The following SETBP1 variants were observed in gnomAD, a reference collection of about 807,000 sequenced individuals.
The protein encoded by SETBP1 is SET-binding protein.
A neutral mutation model predicts 101.0 loss-of-function variants in SETBP1; 9 were observed. That is an observed-to-expected ratio of 0.09 (90% CI 0.05 to 0.16). The LOEUF (loss-of-function observed/expected upper bound fraction) is 0.16, where lower values mean the gene tolerates loss of function less well. Ranked by LOEUF, SETBP1 falls within the 10% of genes least tolerant of loss-of-function variation. The probability of loss-of-function intolerance (pLI) is 1.00; values close to 1 mark genes in which losing one functional copy is unlikely to be tolerated. For synonymous variants in SETBP1, 818 were observed against 788.5 expected (o/e 1.04, Z -0.63); for missense variants, 1,858 against 2,033.8 (o/e 0.91, Z 1.66).
intron 1 of SETBP1, among the ~76,000 whole-genome samples, chr18:44,691,637 T>C (rs756039681): frequency 1.3e-5 from 2 of 152,188 alleles, no homozygotes; most frequent in Non-Finnish European, 1.5e-5. Context: ...TCATCTCCTT[T>C]CCTTATCATA....
chr18:44,997,844 C>A (rs776128807), intron 4 of SETBP1, among the ~76,000 whole-genome samples: 4 of 152,128 alleles, frequency 2.6e-5, no homozygotes, highest in Non-Finnish European at 5.9e-5. Flanking sequence ...TGTATCTGGT[C>A]GGTAGTTCCT....
intron 3 of SETBP1, among the ~76,000 whole-genome samples, chr18:44,880,707 G>A (rs1396864833): frequency 5.3e-5 from 8 of 152,132 alleles, no homozygotes; most frequent in South Asian, 2.1e-4. Flanking sequence ...GCAAGAGAGC[G>A]AGTAGGGGCA....
intron 4 of SETBP1, among the ~76,000 whole-genome samples, chr18:44,981,659 C>T (rs1011639697): frequency 1.3e-5 from 2 of 152,214 alleles, no homozygotes; most frequent in Non-Finnish European, 2.9e-5. Flanking sequence ...CTGCCTTGCC[C>T]ACATTTACCT....
In SETBP1 at chr18:45,063,964, A is replaced by C. The variant is rs758674978; in HGVS notation, c.*266A>C. The C allele has an allele frequency of 5.6e-5, 21 of 374,936 alleles. No homozygotes were observed. The highest frequency in any genetic ancestry group is 8.8e-5 in the Non-Finnish European group (18 of 203,400). The allele number at this position is 374,936 out of a possible 1,614,324, so 23.2% of individuals were successfully genotyped here. On this transcript the variant is annotated 3_prime_UTR_variant, in exon 6 of 6. Transcript: ENST00000649279. ...GCTTCAGTACGGCTGGATCCTCCGC[A>C]GGCGAGCGGAAGGCCCCCAGGAGGA...
At chr18:44,824,491 T>C (rs763743240) in intron 2 of SETBP1, among the ~76,000 whole-genome samples, 1 of 152,200 alleles carries the variant, frequency 6.6e-6, no homozygotes, top group Non-Finnish European at 1.5e-5. Flanking sequence ...ATTTTAACAA[T>C]ATCACCTCAC....
intron 4 of SETBP1, among the ~76,000 whole-genome samples, chr18:44,978,498 C>T (rs1314884115): frequency 1.3e-5 from 2 of 152,206 alleles, no homozygotes; most frequent in African/African-American, 2.4e-5. Context: ...CTGGTATTAA[C>T]TTATACTCAC....
chr18:44,927,237 A>T (rs2070725587), intron 3 of SETBP1, among the ~76,000 whole-genome samples: 1 of 152,194 alleles, frequency 6.6e-6, no homozygotes, highest in Non-Finnish European at 1.5e-5. Flanking sequence ...TGATTCTCTG[A>T]TGAAGAGAGT....
chr18:44,766,939 G>A lies in SETBP1; in HGVS notation c.486+65107G>A, dbSNP rs185054340. ...TATGGATCTATTATAGTCCCTCAGA[G>A]TGCTGGGGAATAAAGTGATGAGATC... is the stretch of plus-strand genomic sequence containing the variant. On this transcript the variant is annotated intron_variant, in intron 2 of 5. Transcript: ENST00000649279. Among the ~76,000 whole-genome samples the A allele has an allele frequency of 4.9e-4, 75 of 152,318 alleles. No homozygotes were observed. The East Asian group carries it at 7.3e-3, about 15-fold the overall frequency.
chr18:44,704,127 C>A (rs2069170774), intron 2 of SETBP1, among the ~76,000 whole-genome samples: 1 of 152,106 alleles, frequency 6.6e-6, no homozygotes, highest in African/African-American at 2.4e-5. Context: ...CTGATTGTTC[C>A]CAAATATAGC....
At chr18:44,888,215 A>G (rs1227426794) in intron 3 of SETBP1, among the ~76,000 whole-genome samples, 1 of 152,042 alleles carries the variant, frequency 6.6e-6, no homozygotes, top group Non-Finnish European at 1.5e-5. Context: ...CATGCACCTC[A>G]ATTGGTGAGA....
chr18:44,974,614 G>C lies in SETBP1; in HGVS notation c.4000+21274G>C, dbSNP rs140302517. On this transcript the variant is annotated intron_variant, in intron 4 of 5. Coordinates refer to ENST00000649279, the MANE Select transcript of SETBP1 (RefSeq NM_015559.3). Reference sequence around the variant, plus strand: ...TGATGTGGACTCATGTGCACAGGTGGGTGACTAGATTTACCAAAGCCTGGT... The same window carrying C: ...TGATGTGGACTCATGTGCACAGGTGCGTGACTAGATTTACCAAAGCCTGGT... Among the ~76,000 whole-genome samples the C allele has an allele frequency of 4.3e-3, 650 of 152,162 alleles. 7 individuals carry two copies. The highest frequency in any genetic ancestry group is 0.015 in the African/African-American group (627 of 41,504).
intron 1 of SETBP1, among the ~76,000 whole-genome samples, chr18:44,681,914 A>C (rs903244068): frequency 2.6e-4 from 40 of 151,494 alleles, no homozygotes; most frequent in Admixed American, 1.7e-3. Context: ...TTTATTCTGG[A>C]ATTCTACAGC....
chr18:44,883,459 C>T (rs2069575899), intron 3 of SETBP1, among the ~76,000 whole-genome samples: 1 of 152,146 alleles, frequency 6.6e-6, no homozygotes, highest in Admixed American at 6.5e-5. Flanking sequence ...TTGTGCTAAT[C>T]CTAATAACTC....
intron 4 of SETBP1, among the ~76,000 whole-genome samples, chr18:45,004,931 T>G (rs2072693474): frequency 6.6e-6 from 1 of 152,214 alleles, no homozygotes; most frequent in Non-Finnish European, 1.5e-5. Flanking sequence ...TCCATCATCA[T>G]GGTCAGGGAA....
At chr18:44,738,741 TCCA>T (rs2070032870) in intron 2 of SETBP1, among the ~76,000 whole-genome samples, 1 of 133,348 alleles carries the variant, frequency 7.5e-6, no homozygotes, top group Non-Finnish European at 1.5e-5. Flanking sequence ...GCCACTGCAC[TCCA>T]GCCTGGGTGA....
At chr18:44,968,341 G>A (rs1001578294) in intron 4 of SETBP1, among the ~76,000 whole-genome samples, 3 of 152,158 alleles carry the variant, frequency 2.0e-5, no homozygotes, top group Admixed American at 2.0e-4. Flanking sequence ...TAGTCTATTA[G>A]TAGATGTACA....
At chr18:44,721,762 A>G (rs2069602303) in intron 2 of SETBP1, among the ~76,000 whole-genome samples, 1 of 152,210 alleles carries the variant, frequency 6.6e-6, no homozygotes, top group East Asian at 1.9e-4. Context: ...ACAAGAATGC[A>G]TATGGCCATG....
chr18:44,725,823 G>A lies in SETBP1; in HGVS notation c.486+23991G>A, dbSNP rs556258418. ...CAACATACCTCCCCCCTCCAACTCC[G>A]TTTTCTTCCCACAGCCACCAAAGCC... On this transcript the variant is annotated intron_variant, in intron 2 of 5. Transcript: ENST00000649279. Among the ~76,000 whole-genome samples, 47 of 152,004 alleles carry A rather than the reference G, an allele frequency of 3.1e-4. No homozygotes were observed. In the South Asian group the frequency reaches 5.2e-3, roughly 17 times the overall value.
At chr18:44,762,776 C>A (rs1169003541) in intron 2 of SETBP1, among the ~76,000 whole-genome samples, 3 of 152,196 alleles carry the variant, frequency 2.0e-5, no homozygotes, top group African/African-American at 7.2e-5. Context: ...AAGGAACAGC[C>A]ATTTCTAAAG....
Sources: allele counts gnomAD v4.1 joint callset (sites outside exome capture counted in the v4.1 genomes callset), GRCh38; gene constraint gnomAD v4.1.1; transcripts MANE v1.5; gene names NCBI Gene and HGNC (gene_info 2026-07-23, HGNC 2026-07-21).